The following LMBR1 variants were observed in gnomAD, a reference collection of about 807,000 sequenced individuals.
LMBR1 encodes limb region 1 protein homolog.
LMBR1 carries 52 observed loss-of-function variants against 73.9 expected under a neutral mutation model. The ratio of observed to expected loss-of-function variants is 0.70; its 90% CI spans 0.56 to 0.89. The LOEUF (loss-of-function observed/expected upper bound fraction) is 0.89. Ranked by LOEUF, LMBR1 falls within the 40% of genes least tolerant of loss-of-function variation. LMBR1 has a pLI of 0.00. For synonymous variants in LMBR1, 215 were observed against 209.4 expected (o/e 1.03, Z -0.23); for missense variants, 539 against 579.8 (o/e 0.93, Z 0.72).
chr7:156,722,590 C>T (rs1814816115), intron 15 of LMBR1, among the ~76,000 whole-genome samples: 1 of 152,134 alleles, frequency 6.6e-6, no homozygotes, highest in African/African-American at 2.4e-5. Context: ...ACATGTAATG[C>T]AGTGCGTGTT....
At chr7:156,871,034 A>G (rs1044137156) in intron 1 of LMBR1, among the ~76,000 whole-genome samples, 1 of 152,000 alleles carries the variant, frequency 6.6e-6, no homozygotes, top group African/African-American at 2.4e-5. Flanking sequence ...TGGTTTTTTG[A>G]AAAGATTTAA....
At chr7:156,730,596 T>C (rs1816653938) in intron 10 of LMBR1, among the ~76,000 whole-genome samples, 1 of 152,166 alleles carries the variant, frequency 6.6e-6, no homozygotes, top group Non-Finnish European at 1.5e-5. Flanking sequence ...GCAGAGTTTC[T>C]ATAGTTTTGT....
At chr7:156,835,603 G>A (rs1402194273) in intron 2 of LMBR1, among the ~76,000 whole-genome samples, 1 of 151,306 alleles carries the variant, frequency 6.6e-6, no homozygotes, top group African/African-American at 2.4e-5. Context: ...GCTGAGGCAG[G>A]AGAATCACTT....
chr7:156,763,615 A>G, intron 6 of LMBR1, 54 bp downstream of exon 6: 1 of 1,489,020 alleles, frequency 6.7e-7, no homozygotes, highest in African/African-American at 1.5e-5. Flanking sequence ...GTGTAATTAT[A>G]TCCCAAACTA....
rs1586214572 is a variant in LMBR1 at position 156,849,603 on chromosome 7, A to T, written c.67-12718T>A. ...GAAATGGCAACATTTGTATGATTCCAACTATATTCCGGAAAAGGCAAAACA... is the reference window on the plus strand; with the variant it reads ...GAAATGGCAACATTTGTATGATTCCTACTATATTCCGGAAAAGGCAAAACA... On this transcript the variant is annotated intron_variant, in intron 1 of 16. Transcript: ENST00000353442. 2.0e-5 allele frequency among the ~76,000 whole-genome samples: 3 copies of T among 152,330 alleles called. 1 individual carries two copies. The highest frequency in any genetic ancestry group is 2.0e-4 in the Admixed American group (3 of 15,298).
intron 1 of LMBR1, among the ~76,000 whole-genome samples, chr7:156,839,907 AC>A (rs932876909): frequency 1.3e-5 from 2 of 152,170 alleles, no homozygotes; most frequent in Non-Finnish European, 2.9e-5. Flanking sequence ...AAAGAGGAAA[AC>A]CAGCTCTTGG....
intron 1 of LMBR1, among the ~76,000 whole-genome samples, chr7:156,873,125 GGTGA>G (rs1165476568): frequency 2.0e-5 from 3 of 152,170 alleles, no homozygotes; most frequent in Non-Finnish European, 4.4e-5. Flanking sequence ...GGACTCTTGC[GGTGA>G]GTGTTACAGC....
chr7:156,706,660 A>C (rs79464836), intron 15 of LMBR1, among the ~76,000 whole-genome samples: 1 of 151,264 alleles, frequency 6.6e-6, no homozygotes. Flanking sequence ...GTCAGAAATT[A>C]AAAAAAAAAT....
At chr7:156,709,536 C>G (rs1029787556) in intron 15 of LMBR1, among the ~76,000 whole-genome samples, 19 of 152,224 alleles carry the variant, frequency 1.2e-4, no homozygotes, top group African/African-American at 4.3e-4. Flanking sequence ...TCACAAGACT[C>G]TTTGCAGGCA....
intron 9 of LMBR1, among the ~76,000 whole-genome samples, chr7:156,750,880 C>G (rs1820748147): frequency 6.6e-6 from 1 of 152,152 alleles, no homozygotes; most frequent in South Asian, 2.1e-4. Flanking sequence ...GAGGCCAAGG[C>G]TGGCAGATCG....
chr7:156,722,394 A>G (rs1297269778), intron 15 of LMBR1, among the ~76,000 whole-genome samples: 2 of 152,212 alleles, frequency 1.3e-5, no homozygotes, highest in Non-Finnish European at 2.9e-5. Flanking sequence ...TCTTAAAATC[A>G]AAGACTCAAT....
chr7:156,764,658 TTA>T (rs758525766), intron 5 of LMBR1, among the ~76,000 whole-genome samples: 21 of 152,346 alleles, frequency 1.4e-4, no homozygotes, highest in East Asian at 3.9e-4. Context: ...TCTCAATAAA[TTA>T]TGTTATCTCA....
intron 4 of LMBR1, among the ~76,000 whole-genome samples, chr7:156,671,663 C>T (rs765244232): frequency 1.3e-5 from 2 of 152,176 alleles, no homozygotes; most frequent in African/African-American, 2.4e-5. Context: ...GTTTGCGGTA[C>T]AGGCGGTCCT....
At chr7:156,753,219 C>T (rs1821222893) in intron 9 of LMBR1, among the ~76,000 whole-genome samples, 1 of 151,906 alleles carries the variant, frequency 6.6e-6, no homozygotes, top group Non-Finnish European at 1.5e-5. Flanking sequence ...TGCACACAGA[C>T]ACCAAATCAC....
At chr7:156,686,468 A>C (rs986677185) in intron 16 of LMBR1, among the ~76,000 whole-genome samples, 1 of 152,224 alleles carries the variant, frequency 6.6e-6, no homozygotes, top group Non-Finnish European at 1.5e-5. Context: ...CAGATCATTC[A>C]AACATTACAT....
intron 1 of LMBR1, among the ~76,000 whole-genome samples, chr7:156,874,952 C>T (rs1799938239): frequency 6.6e-6 from 1 of 152,122 alleles, no homozygotes; most frequent in Non-Finnish European, 1.5e-5. Flanking sequence ...AAGAAGAAAT[C>T]CCTGATTTAC....
chr7:156,741,429 C>T (rs1047291410), intron 9 of LMBR1, among the ~76,000 whole-genome samples: 6 of 151,946 alleles, frequency 3.9e-5, no homozygotes, highest in South Asian at 2.1e-4. Context: ...TATACAGATA[C>T]GAATAGATTG....
intron 3 of LMBR1, 42 bp from the exon 4 acceptor site, chr7:156,826,786 G>A (rs926792697): frequency 6.5e-7 from 1 of 1,547,192 alleles, no homozygotes; most frequent in Non-Finnish European, 8.7e-7. Context: ...ATCTGAAAAA[G>A]CAATGAACAC....
Position 156,670,707 on chromosome 7 carries a change from C to T in LMBR1, n.867-1420G>A, listed in dbSNP as rs928093936. Among the ~76,000 whole-genome samples the T allele has an allele frequency of 1.1e-4, 16 of 152,200 alleles. No individual in the cohort carries two copies. The highest frequency in any genetic ancestry group is 3.1e-4 in the African/African-American group (13 of 41,508). ...AAGGTGAGATGGCATCTCCGTGTGT[C>T]GGGAGAGACCTAACCGCCAGTCTAG... On this transcript the variant is annotated intron_variant and non_coding_transcript_variant, in intron 4 of 4. Coordinates refer to the LMBR1 transcript ENST00000430825. The surrounding 1 kb of genome is among the most constrained non-coding windows in gnomAD (Gnocchi z 4.3).
Sources: gnomAD v4.1 joint callset for allele counts (sites outside exome capture counted in the v4.1 genomes callset) on GRCh38, gnomAD v4.1.1 for gene constraint, Gnocchi (gnomAD v3.1) non-coding constraint, MANE v1.5 for transcripts, NCBI Gene and HGNC (gene_info 2026-07-23, HGNC 2026-07-21) for gene names.